The following CLVS1 variants were observed in gnomAD, a reference collection of about 807,000 sequenced individuals.
The protein encoded by CLVS1 is clavesin-1.
A neutral mutation model predicts 33.1 loss-of-function variants in CLVS1; 10 were observed. That is an observed-to-expected ratio of 0.30 (90% CI 0.19 to 0.51). The LOEUF is 0.51. Ranked by LOEUF, CLVS1 falls within the 20% of genes least tolerant of loss-of-function variation. The pLI is 0.97. For synonymous variants in CLVS1, 163 were observed against 166.1 expected (o/e 0.98, Z 0.14); for missense variants, 343 against 433.4 (o/e 0.79, Z 1.85).
chr8:61,382,960 G>A (rs1813943621), intron 3 of CLVS1, among the ~76,000 whole-genome samples: 1 of 152,228 alleles, frequency 6.6e-6, no homozygotes, highest in African/African-American at 2.4e-5. Context: ...CATGCAACAT[G>A]CCTGGTAGAC....
chr8:61,418,790 G>T (rs938851169), intron 3 of CLVS1, among the ~76,000 whole-genome samples: 3 of 152,220 alleles, frequency 2.0e-5, no homozygotes, highest in African/African-American at 7.2e-5. Flanking sequence ...CAAGAGAGCA[G>T]CTGAGTGAAG....
chr8:61,240,280 CT>C (rs1168822984), intron 2 of CLVS1, among the ~76,000 whole-genome samples: 26 of 152,328 alleles, frequency 1.7e-4, no homozygotes, highest in African/African-American at 6.0e-4. Context: ...CTCCCCCGTG[CT>C]CTCTGTGCTC....
At chr8:61,456,135 A>G (rs1817146928) in intron 4 of CLVS1, among the ~76,000 whole-genome samples, 1 of 152,208 alleles carries the variant, frequency 6.6e-6, no homozygotes. Context: ...GCCATGCCAT[A>G]GGTGGGCATT....
At chr8:61,189,893 A>G (rs1807432409) in intron 2 of CLVS1, among the ~76,000 whole-genome samples, 1 of 152,212 alleles carries the variant, frequency 6.6e-6, no homozygotes, top group Non-Finnish European at 1.5e-5. Flanking sequence ...GAGACCTACG[A>G]AGAGACTTAG....
chr8:61,296,116 A>G (rs2129594224), intron 1 of CLVS1, among the ~76,000 whole-genome samples: 1 of 152,260 alleles, frequency 6.6e-6, no homozygotes, highest in East Asian at 1.9e-4. Context: ...TAGTGCCTTA[A>G]ATATTATCAA....
At chr8:61,401,277 C>T in intron 3 of CLVS1, among the ~76,000 whole-genome samples, 1 of 150,020 alleles carries the variant, frequency 6.7e-6, no homozygotes. Context: ...TTTATTTTTT[C>T]TTGCTTAAAT....
At chr8:61,286,106 G>A (rs1458471066), upstream of CLVS1, among the ~76,000 whole-genome samples, 1 of 151,978 alleles carries the variant, frequency 6.6e-6, no homozygotes, top group African/African-American at 2.4e-5. Context: ...TGCAGCCCCA[G>A]TGACTTCCCA....
intron 3 of CLVS1, among the ~76,000 whole-genome samples, chr8:61,379,366 C>T (rs1252383829): frequency 2.6e-5 from 4 of 151,470 alleles, no homozygotes; most frequent in African/African-American, 4.9e-5. Context: ...TTATGAAACC[C>T]TCCCCCCCTT....
intron 2 of CLVS1, among the ~76,000 whole-genome samples, chr8:61,185,421 T>C (rs768832255): frequency 2.6e-5 from 4 of 151,840 alleles, no homozygotes; most frequent in Non-Finnish European, 5.9e-5. Context: ...CCAAAAGTCC[T>C]GGAATTATAG....
At chr8:61,139,582 G>A (rs1172700166) in intron 2 of CLVS1, among the ~76,000 whole-genome samples, 1 of 152,120 alleles carries the variant, frequency 6.6e-6, no homozygotes. Context: ...AGGACCCAGG[G>A]CCCGTGCAGA....
chr8:61,202,523 A>G (rs1403361616), intron 2 of CLVS1: 3 of 1,048,826 alleles, frequency 2.9e-6, no homozygotes. Context: ...GATGAATTGC[A>G]CATTGTTGAA....
chr8:61,159,955 A>G (rs1322059272), intron 2 of CLVS1, among the ~76,000 whole-genome samples: 1 of 152,188 alleles, frequency 6.6e-6, no homozygotes, highest in Non-Finnish European at 1.5e-5. Flanking sequence ...AGGCCTTCAG[A>G]AGTATTTATA....
At chr8:61,458,588 G>T in intron 5 of CLVS1, 46 bp downstream of exon 5, 1 of 1,332,668 alleles carries the variant, frequency 7.5e-7, no homozygotes, top group Admixed American at 2.6e-5. Flanking sequence ...AGAGGTCAAT[G>T]GAATTTTTTA....
chr8:61,322,582 G>T (rs1466150492), intron 2 of CLVS1, among the ~76,000 whole-genome samples: 2 of 152,102 alleles, frequency 1.3e-5, no homozygotes, highest in Non-Finnish European at 2.9e-5. Flanking sequence ...CCCAAAGAGG[G>T]TTTTACTCAC....
chr8:61,153,363 G>T (rs994891093), intron 2 of CLVS1, among the ~76,000 whole-genome samples: 2 of 152,124 alleles, frequency 1.3e-5, no homozygotes, highest in African/African-American at 2.4e-5. Flanking sequence ...CTCAATGTTC[G>T]CAGGAAAGCA....
chr8:60,984,649 C>T, the CLVS1 span, among the ~76,000 whole-genome samples: 1 of 152,142 alleles, frequency 6.6e-6, no homozygotes, highest in Non-Finnish European at 1.5e-5. Context: ...GTTCTATTCA[C>T]ACCATTAAAA....
At chr8:61,104,666 G>A (rs1425689458) in intron 1 of CLVS1, among the ~76,000 whole-genome samples, 1 of 152,086 alleles carries the variant, frequency 6.6e-6, no homozygotes, top group African/African-American at 2.4e-5. Flanking sequence ...GGATCAAAAT[G>A]TTAAAATCTT....
At position 61,458,557 on chromosome 8, in the gene CLVS1, A is replaced by G. The variant is rs1482560047; in HGVS notation, c.977+15A>G. 6.6e-7 allele frequency: 1 copy of G among 1,516,812 alleles called. No homozygotes were observed. The highest frequency in any genetic ancestry group is 2.0e-5 in the Admixed American group (1 of 50,558). The allele number at this position is 1,516,812 out of a possible 1,614,324, so 94.0% of individuals were successfully genotyped here. A position where few individuals can be genotyped will look rare whatever the true frequency, so the allele number is the denominator to read the frequency against. On this transcript the variant is annotated intron_variant, in intron 5 of 5. Transcript: ENST00000325897. ...CTGATGAAAAGGTAAGGCCTGGGTTATCAGAGCCCCCCCCCCAGTCAGAGG... is the reference window on the plus strand; with the variant it reads ...CTGATGAAAAGGTAAGGCCTGGGTTGTCAGAGCCCCCCCCCCAGTCAGAGG...
At chr8:61,212,819 G>A (rs1218276105) in intron 2 of CLVS1, among the ~76,000 whole-genome samples, 1 of 152,162 alleles carries the variant, frequency 6.6e-6, no homozygotes, top group African/African-American at 2.4e-5. Flanking sequence ...AAGCAGGTGG[G>A]GCAGGAAGTA....
Sources: allele counts gnomAD v4.1 joint callset (sites outside exome capture counted in the v4.1 genomes callset), GRCh38; gene constraint gnomAD v4.1.1; transcripts MANE v1.5; gene names NCBI Gene and HGNC (gene_info 2026-07-23, HGNC 2026-07-21).